The following TEX9 variants were observed in gnomAD, a reference collection of about 807,000 sequenced individuals.
The protein encoded by TEX9 is testis expressed 9.
TEX9 carries 74 observed loss-of-function variants against 59.6 expected under a neutral mutation model. That is an observed-to-expected ratio of 1.24 (90% CI 1.03 to 1.51). The LOEUF (loss-of-function observed/expected upper bound fraction) is 1.51, where lower values mean the gene tolerates loss of function less well. Among genes scored for constraint, TEX9 ranks in the 40% most tolerant of loss-of-function variants. The pLI is 0.00. For synonymous variants in TEX9, 186 were observed against 152.2 expected, an observed-to-expected ratio of 1.22 and a Z score of -1.64; for missense variants, 522 against 447.8, an observed-to-expected ratio of 1.17 and a Z score of -1.49.
intron 1 of TEX9, among the ~76,000 whole-genome samples, chr15:56,327,878 G>A (rs1238272853): frequency 1.3e-5 from 2 of 152,078 alleles, no homozygotes; most frequent in Non-Finnish European, 2.9e-5. Context: ...AAGTGCTTTC[G>A]GGCCCTAGGT....
chr15:56,407,971 C>G (rs559585310), intron 9 of TEX9, among the ~76,000 whole-genome samples: 1 of 152,190 alleles, frequency 6.6e-6, no homozygotes, highest in Admixed American at 6.5e-5. Context: ...GGTCTCTGCA[C>G]TGGCAATTGT....
chr15:56,274,595 G>A (rs2044626077), intron 1 of TEX9: 1 of 152,030 alleles, frequency 6.6e-6, no homozygotes, highest in African/African-American at 2.4e-5. Context: ...AATCTTCTCT[G>A]TATCATTCCA....
chr15:56,388,605 AG>A lies in TEX9; in HGVS notation c.312+89del, dbSNP rs1438227092. ...AGACTTTTCTTAGACAAAGCAGAGA[AG>A]GGGTATGACTCAACAGAAATAGAAT... On this transcript the variant is annotated intron_variant, in intron 5 of 12. Coordinates refer to ENST00000352903, the Ensembl canonical transcript of TEX9. 1.1e-5 allele frequency: 13 copies of A among 1,152,126 alleles called. No individual in the cohort carries two copies. In the South Asian group the frequency reaches 1.6e-4, roughly 15 times the overall value. 71.4% of individuals were successfully genotyped at this position (1,152,126 alleles called of 1,614,324 possible). A position where few individuals can be genotyped will look rare whatever the true frequency, so the allele number is the denominator to read the frequency against.
At chr15:56,347,329 T>C (rs1372560477) in intron 1 of TEX9, among the ~76,000 whole-genome samples, 4 of 152,210 alleles carry the variant, frequency 2.6e-5, no homozygotes, top group African/African-American at 9.6e-5. Flanking sequence ...TTTCAAAACT[T>C]ATTATGTATA....
intron 1 of TEX9, among the ~76,000 whole-genome samples, chr15:56,338,994 C>T (rs2046312301): frequency 6.6e-6 from 1 of 152,070 alleles, no homozygotes; most frequent in African/African-American, 2.4e-5. Context: ...ATGTATTTTA[C>T]AAAAGCATCC....
intron 1 of TEX9, among the ~76,000 whole-genome samples, chr15:56,281,858 A>G (rs2044827794): frequency 6.6e-6 from 1 of 152,188 alleles, no homozygotes; most frequent in Admixed American, 6.5e-5. Flanking sequence ...AGTTTGAGGC[A>G]CTTGATTCAT....
intron 7 of TEX9, among the ~76,000 whole-genome samples, chr15:56,392,607 T>A (rs764786994): frequency 7.2e-5 from 11 of 151,794 alleles, no homozygotes; most frequent in Non-Finnish European, 1.5e-4. Context: ...TAAAATTCTC[T>A]GATTCTGTGA....
exon 2 of TEX9, chr15:56,365,629 T>C (rs1031392093): frequency 6.2e-7 from 1 of 1,614,190 alleles, no homozygotes; most frequent in Middle Eastern, 1.6e-4. Context: ...AGCAACCCTC[T>C]ACACCTGGAC....
At chr15:56,309,519 T>C (rs2045555580) in intron 1 of TEX9, among the ~76,000 whole-genome samples, 1 of 152,078 alleles carries the variant, frequency 6.6e-6, no homozygotes, top group African/African-American at 2.4e-5. Flanking sequence ...CTGTAGATTT[T>C]TTTCTCTTGT....
Position 56,348,570 on chromosome 15 carries a change from G to C in TEX9, c.-106-24871G>C, listed in dbSNP as rs552196224. On this transcript the variant is annotated intron_variant, in intron 1 of 5. Coordinates refer to the TEX9 transcript ENST00000560827. ...GTACTTTAGAGATGTTCCATTGTCT[G>C]CTCACTTCTATTATTTCTGAAGACA... is the stretch of plus-strand genomic sequence containing the variant. Among the ~76,000 whole-genome samples the C allele has an allele frequency of 8.6e-4, 131 of 152,198 alleles. 2 individuals carry two copies. Among genetic ancestry groups the C allele is most frequent in the Admixed American group, 4.5e-3 (69 of 15,280 alleles).
intron 9 of TEX9, among the ~76,000 whole-genome samples, chr15:56,405,310 G>GAAAAAAA (rs1221876149): frequency 2.1e-5 from 2 of 95,962 alleles, no homozygotes; most frequent in East Asian, 2.9e-4. Context: ...CCGTCTCAAA[G>GAAAAAAA]AAAAAAAAAA....
upstream of TEX9, among the ~76,000 whole-genome samples, chr15:56,362,013 A>G (rs2046799222): frequency 6.6e-6 from 1 of 152,110 alleles, no homozygotes; most frequent in Admixed American, 6.5e-5. Context: ...GCTTTATTAC[A>G]GCTACCCTAA....
chr15:56,346,978 A>T (rs2046483346), intron 1 of TEX9, among the ~76,000 whole-genome samples: 1 of 152,198 alleles, frequency 6.6e-6, no homozygotes, highest in African/African-American at 2.4e-5. Flanking sequence ...ACCATTTACA[A>T]TCTCTCTCTT....
intron 1 of TEX9, among the ~76,000 whole-genome samples, chr15:56,329,916 C>A (rs1314534042): frequency 2.0e-5 from 3 of 151,746 alleles, no homozygotes; most frequent in African/African-American, 7.3e-5. Flanking sequence ...TATCCAAGTA[C>A]AAGAAGGTTA....
At chr15:56,436,534 A>T (rs1427343317) in intron 12 of TEX9, among the ~76,000 whole-genome samples, 1 of 152,194 alleles carries the variant, frequency 6.6e-6, no homozygotes, top group Admixed American at 6.5e-5. Flanking sequence ...CCCTAACATC[A>T]CAATTAAAAG....
chr15:56,454,545 T>G, the TEX9 span, among the ~76,000 whole-genome samples: 1 of 152,160 alleles, frequency 6.6e-6, no homozygotes, highest in African/African-American at 2.4e-5. Context: ...GTTGTCTCTT[T>G]GGAGATAATC....
At chr15:56,427,459 C>T (rs1466276566) in intron 10 of TEX9, 146 bp from the exon 11 acceptor site, 5 of 450,266 alleles carry the variant, frequency 1.1e-5, no homozygotes, top group East Asian at 4.1e-5. Context: ...TCCAGTAATT[C>T]GGTAATGGAA....
chr15:56,365,472 C>G, exon 1 of TEX9: 3 of 1,614,074 alleles, frequency 1.9e-6, no homozygotes, highest in Non-Finnish European at 8.5e-7. Context: ...AAGTCTGTGT[C>G]TCACGGTCAG....
intron 1 of TEX9, among the ~76,000 whole-genome samples, chr15:56,277,301 T>G (rs1281943423): frequency 6.6e-6 from 1 of 152,170 alleles, no homozygotes; most frequent in African/African-American, 2.4e-5. Context: ...GTTTTTATGG[T>G]TTTAGGTTTT....
Sources: allele counts gnomAD v4.1 joint callset (sites outside exome capture counted in the v4.1 genomes callset), GRCh38; gene constraint gnomAD v4.1.1; transcripts MANE v1.5; gene names NCBI Gene and HGNC (gene_info 2026-07-23, HGNC 2026-07-21).